WDFY2: variants seen among roughly 807,000 people sequenced by gnomAD.
WDFY2 encodes WD repeat and FYVE domain-containing protein 2.
In WDFY2, 36 loss-of-function variants were observed where a neutral mutation model predicts 56.4. That is an observed-to-expected ratio of 0.64 (90% CI 0.49 to 0.84). WDFY2 has a LOEUF of 0.84. WDFY2 is among the 40% of genes least tolerant of loss of function. WDFY2 has a pLI of 0.00. For synonymous variants in WDFY2, 176 were observed against 183.7 expected, an observed-to-expected ratio of 0.96 and a Z score of 0.34; for missense variants, 444 against 512.2, an observed-to-expected ratio of 0.87 and a Z score of 1.29.
At chr13:51,645,385 G>A (rs1004170370) in intron 1 of WDFY2, among the ~76,000 whole-genome samples, 1 of 152,128 alleles carries the variant, frequency 6.6e-6, no homozygotes, top group African/African-American at 2.4e-5. Context: ...CCTGGGAAAT[G>A]AAGCTCATTG....
At chr13:51,613,916 T>G (rs929638246) in intron 1 of WDFY2, among the ~76,000 whole-genome samples, 1 of 152,090 alleles carries the variant, frequency 6.6e-6, no homozygotes, top group African/African-American at 2.4e-5. Context: ...AGGCGTCCCA[T>G]GTAATCATGC....
rs6561647 is a variant in WDFY2 at position 51,766,614 on chromosome 13, A to G, written c.*6845A>G. On this transcript the variant is annotated 3_prime_UTR_variant, in exon 12 of 12. Coordinates refer to ENST00000298125, the MANE Select transcript of WDFY2 (RefSeq NM_052950.4). ...GTAATGAGCAAGAATTTCCTAGGAT[A>G]TTGAAACATCTGTATCCAGGCCCCC... The G allele has an allele frequency of 0.97, 148,499 of 152,322 alleles. 72,488 individuals carry two copies. The highest frequency in any genetic ancestry group is 1 in the East Asian group (5,180 of 5,180). The allele number at this position is 152,322 out of a possible 1,614,324, so 9.4% of individuals were successfully genotyped here.
intron 2 of WDFY2, among the ~76,000 whole-genome samples, chr13:51,670,786 G>A (rs1955794374): frequency 6.6e-6 from 1 of 151,954 alleles, no homozygotes; most frequent in Non-Finnish European, 1.5e-5. Context: ...ACATGAAAAA[G>A]TTCTTTACTG....
intron 11 of WDFY2, among the ~76,000 whole-genome samples, chr13:51,758,921 C>T (rs9535751): frequency 0.13 from 19,054 of 152,180 alleles, 1,479 homozygotes; most frequent in South Asian, 0.22. Context: ...TGTTGACTCA[C>T]GCCTATAATC....
chr13:51,759,627 T>C, intron 11 of WDFY2, 113 bp from the exon 12 acceptor site: 1 of 836,984 alleles, frequency 1.2e-6, no homozygotes, highest in Non-Finnish European at 1.9e-6. Flanking sequence ...CATGTTAGTA[T>C]AGTATGTGGT....
chr13:51,690,196 A>AT (rs1555258210), intron 3 of WDFY2, among the ~76,000 whole-genome samples: 3,291 of 11,552 alleles, frequency 0.28, 42 homozygotes, highest in Middle Eastern at 0.5. Context: ...ATATATATAT[A>AT]TTTTTTTTAT....
chr13:51,730,585 G>A (rs1352736243), intron 6 of WDFY2, among the ~76,000 whole-genome samples: 3 of 152,202 alleles, frequency 2.0e-5, no homozygotes, highest in Non-Finnish European at 4.4e-5. Context: ...CACAGTTCTA[G>A]TGCATCGTGG....
intron 1 of WDFY2, among the ~76,000 whole-genome samples, chr13:51,655,614 A>G (rs1167872565): frequency 6.6e-6 from 1 of 152,060 alleles, no homozygotes; most frequent in Non-Finnish European, 1.5e-5. Flanking sequence ...GCAGTTTTGA[A>G]TCTGTCTTCA....
chr13:51,635,209 C>G (rs1955022773), intron 1 of WDFY2, among the ~76,000 whole-genome samples: 1 of 152,048 alleles, frequency 6.6e-6, no homozygotes, highest in African/African-American at 2.4e-5. Context: ...CTCCCAAAGT[C>G]CTGGGATTAC....
intron 1 of WDFY2, chr13:51,592,329 C>G (rs1388930276): frequency 6.6e-6 from 1 of 152,086 alleles, no homozygotes; most frequent in Admixed American, 6.5e-5. Context: ...AATCCCAGCA[C>G]TTTGGGGGGT....
At chr13:51,644,647 G>C (rs1401653296) in intron 1 of WDFY2, among the ~76,000 whole-genome samples, 1 of 152,182 alleles carries the variant, frequency 6.6e-6, no homozygotes, top group Non-Finnish European at 1.5e-5. Context: ...AAAGCCCAAG[G>C]TGTTGAAATA....
At chr13:51,629,057 A>C (rs1381992519) in intron 1 of WDFY2, among the ~76,000 whole-genome samples, 1 of 152,218 alleles carries the variant, frequency 6.6e-6, no homozygotes, top group African/African-American at 2.4e-5. Flanking sequence ...TCTGAGACCC[A>C]GAGTTTTAGT....
chr13:51,594,756 A>G (rs925534792), intron 1 of WDFY2, among the ~76,000 whole-genome samples: 1 of 152,174 alleles, frequency 6.6e-6, no homozygotes, highest in African/African-American at 2.4e-5. Context: ...ATTGGGAGTA[A>G]TGACTCGTCC....
In WDFY2 at chr13:51,756,330, A is replaced by G. The variant is rs761833797; in HGVS notation, c.934-2A>G. On this transcript the variant is annotated splice_acceptor_variant, in intron 9 of 11. Coordinates refer to ENST00000298125, the MANE Select transcript of WDFY2 (RefSeq NM_052950.4). LOFTEE classifies it high-confidence loss of function. ...AGTATCTATTTTATCTCCCTCCTCCAGCACCACTGCCGCAAGTGTGGGAAG... is the reference window on the plus strand; with the variant it reads ...AGTATCTATTTTATCTCCCTCCTCCGGCACCACTGCCGCAAGTGTGGGAAG... The G allele has an allele frequency of 6.8e-6, 11 of 1,613,028 alleles. No individual in the cohort carries two copies. The highest frequency in any genetic ancestry group is 2.2e-5 in the East Asian group (1 of 44,842).
At chr13:51,648,264 A>G (rs1010188041) in intron 1 of WDFY2, among the ~76,000 whole-genome samples, 1 of 152,170 alleles carries the variant, frequency 6.6e-6, no homozygotes, top group Admixed American at 6.5e-5. Context: ...TATGCAGCAC[A>G]GTGTATAGAC....
chr13:51,718,638 G>A (rs181023281), intron 4 of WDFY2, among the ~76,000 whole-genome samples: 3 of 151,208 alleles, frequency 2.0e-5, no homozygotes, highest in Non-Finnish European at 2.9e-5. Flanking sequence ...TCTTCTATGT[G>A]GTTCTTAGGA....
chr13:51,737,926 C>T (rs1332492845), intron 6 of WDFY2, among the ~76,000 whole-genome samples: 3 of 152,162 alleles, frequency 2.0e-5, no homozygotes, highest in Admixed American at 6.5e-5. Context: ...CGCTAGGAAG[C>T]ATAATCCAGA....
At chr13:51,751,962 A>G (rs752276560) in intron 8 of WDFY2, among the ~76,000 whole-genome samples, 4 of 152,192 alleles carry the variant, frequency 2.6e-5, no homozygotes, top group Admixed American at 6.5e-5. Flanking sequence ...ATCTTTGAGC[A>G]TCTTAACAAC....
At chr13:51,627,733 A>C (rs936521724) in intron 1 of WDFY2, among the ~76,000 whole-genome samples, 2 of 152,144 alleles carry the variant, frequency 1.3e-5, no homozygotes, top group African/African-American at 4.8e-5. Context: ...CATGCAGGCA[A>C]GTGGAGGGTG....
Sources: gnomAD v4.1 joint callset for allele counts (sites outside exome capture counted in the v4.1 genomes callset) on GRCh38, gnomAD v4.1.1 for gene constraint, MANE v1.5 for transcripts, NCBI Gene and HGNC (gene_info 2026-07-23, HGNC 2026-07-21) for gene names.